TEAD1: variants seen among roughly 807,000 people sequenced by gnomAD.
The protein encoded by TEAD1 is TEA domain transcription factor 1, also known as transcriptional enhancer factor TEF-1.
In TEAD1, 9 loss-of-function variants were observed where a neutral mutation model predicts 54.9. The observed-to-expected ratio is 0.16, with a 90% CI of 0.10 to 0.29. TEAD1 has a LOEUF of 0.29. TEAD1 is among the 10% of genes least tolerant of loss of function. The probability of loss-of-function intolerance (pLI) is 1.00; values close to 1 mark genes in which losing one functional copy is unlikely to be tolerated. For missense variants in TEAD1, 387 were observed against 535.9 expected, an observed-to-expected ratio of 0.72 and a Z score of 2.74; for synonymous variants, 200 against 187.8, an observed-to-expected ratio of 1.07 and a Z score of -0.53.
intron 3 of TEAD1, among the ~76,000 whole-genome samples, chr11:12,859,164 T>C (rs994433287): frequency 9.2e-5 from 14 of 152,228 alleles, no homozygotes; most frequent in African/African-American, 3.1e-4. Flanking sequence ...GTATAGGCTG[T>C]GGTACACAGT....
intron 4 of TEAD1, among the ~76,000 whole-genome samples, 187 bp downstream of exon 4, chr11:12,862,501 A>G (rs1027648410): frequency 8.5e-5 from 13 of 152,106 alleles, no homozygotes; most frequent in African/African-American, 2.9e-4. Context: ...ACCCTTTATT[A>G]TGTGGTCTTA....
intron 3 of TEAD1, among the ~76,000 whole-genome samples, chr11:12,778,141 T>C (rs1280399239): frequency 6.6e-6 from 1 of 152,190 alleles, no homozygotes; most frequent in Non-Finnish European, 1.5e-5. Context: ...GAGGAAACCA[T>C]GGCCTAGAGA....
chr11:12,853,505 A>C (rs973180482), intron 3 of TEAD1, among the ~76,000 whole-genome samples: 1 of 152,248 alleles, frequency 6.6e-6, no homozygotes. Context: ...AGGCTAGTCA[A>C]ACTACTCATT....
Position 12,883,011 on chromosome 11 carries a change from T to G in TEAD1, c.585T>G (p.Pro195=). ...CGATTGCTCTTTCAGGGTTTGAGCC[T>G]GCATCGGCCCCAGCTCCCTCAGTCC... The change falls in exon 9 of 13, where the codon CCT becomes CCG. Residue 195 remains proline (P), a synonymous_variant. Transcript: ENST00000527636. The G allele has an allele frequency of 1.2e-6, 2 of 1,614,182 alleles. No homozygotes were observed. Among genetic ancestry groups the G allele is most frequent in the East Asian group, 2.2e-5 (1 of 44,880 alleles).
At chr11:12,871,809 G>A (rs957230683) in intron 5 of TEAD1, among the ~76,000 whole-genome samples, 16 of 152,064 alleles carry the variant, frequency 1.1e-4, no homozygotes, top group Non-Finnish European at 2.2e-4. Flanking sequence ...AGTCTTCGCC[G>A]TGCCCTCCGC....
intron 2 of TEAD1, among the ~76,000 whole-genome samples, chr11:12,707,470 C>T (rs937440510): frequency 1.3e-5 from 2 of 152,252 alleles, no homozygotes; most frequent in African/African-American, 4.8e-5. Context: ...ACCTCACTCT[C>T]AGGCCACCTT....
intron 2 of TEAD1, among the ~76,000 whole-genome samples, chr11:12,677,860 T>A (rs191946146): frequency 1.3e-5 from 2 of 152,020 alleles, no homozygotes; most frequent in Admixed American, 6.5e-5. Context: ...ATTTGTGGGA[T>A]TACTTTTCTC....
At chr11:12,831,012 C>A (rs1564955667) in intron 3 of TEAD1, among the ~76,000 whole-genome samples, 2 of 152,120 alleles carry the variant, frequency 1.3e-5, no homozygotes, top group Admixed American at 1.3e-4. Context: ...AGCCCATGAC[C>A]CTCCTTCTCT....
intron 9 of TEAD1, among the ~76,000 whole-genome samples, chr11:12,896,935 T>C (rs560399610): frequency 6.6e-6 from 1 of 152,188 alleles, no homozygotes; most frequent in African/African-American, 2.4e-5. Context: ...GCAGAGTGAG[T>C]ACCTTTTCCA....
intron 2 of TEAD1, among the ~76,000 whole-genome samples, chr11:12,682,035 A>G (rs1943233986): frequency 6.6e-6 from 1 of 152,162 alleles, no homozygotes; most frequent in Admixed American, 6.5e-5. Flanking sequence ...GCGTTGTGGT[A>G]GGTGCAGTGT....
intron 10 of TEAD1, among the ~76,000 whole-genome samples, chr11:12,915,227 C>G (rs1948689357): frequency 6.6e-6 from 1 of 152,142 alleles, no homozygotes; most frequent in South Asian, 2.1e-4. Context: ...GCAGGCTTTT[C>G]CCCAATAAAG....
chr11:12,868,947 C>T (rs1200195457), intron 5 of TEAD1, among the ~76,000 whole-genome samples: 1 of 152,148 alleles, frequency 6.6e-6, no homozygotes, highest in African/African-American at 2.4e-5. Flanking sequence ...ATGATTCATT[C>T]TGGGAGTGAG....
At chr11:12,876,355 G>A (rs1468776301) in intron 5 of TEAD1, among the ~76,000 whole-genome samples, 2 of 152,124 alleles carry the variant, frequency 1.3e-5, no homozygotes, top group Non-Finnish European at 2.9e-5. Flanking sequence ...AGCGGGATGT[G>A]GAGATGCAGG....
chr11:12,906,366 C>A (rs1049348330), intron 10 of TEAD1, among the ~76,000 whole-genome samples: 5 of 151,698 alleles, frequency 3.3e-5, no homozygotes, highest in African/African-American at 4.8e-5. Flanking sequence ...ACGGTGAAAC[C>A]CCATCCCTAC....
chr11:12,800,669 C>T (rs769070603), intron 3 of TEAD1, among the ~76,000 whole-genome samples: 9 of 151,990 alleles, frequency 5.9e-5, no homozygotes, highest in Non-Finnish European at 1.0e-4. Flanking sequence ...TGAATGGTGA[C>T]AAAAAAATGA....
intron 5 of TEAD1, 73 bp downstream of exon 5, chr11:12,864,973 A>G: frequency 3.3e-6 from 5 of 1,526,568 alleles, no homozygotes; most frequent in Non-Finnish European, 4.5e-6. Context: ...TGACTGGTGA[A>G]TGCCTGGTGC....
At chr11:12,854,758 ATTTTT>A (rs11364747) in intron 3 of TEAD1, among the ~76,000 whole-genome samples, 1 of 124,096 alleles carries the variant, frequency 8.1e-6, no homozygotes. Flanking sequence ...AGCCTGGCTG[ATTTTT>A]TTTTTTTTTT....
At position 12,795,441 on chromosome 11, in the gene TEAD1, T is replaced by C. The variant is rs185483264; in HGVS notation, c.202+31007T>C. On this transcript the variant is annotated intron_variant, in intron 3 of 12. Transcript: ENST00000527636. ...GGGCATGCAATTCAACCCATAACTC[T>C]CATGTTGCATACATGGGTGCAGGTT... Among the ~76,000 whole-genome samples the C allele has an allele frequency of 1.5e-4, 23 of 152,328 alleles. No homozygotes were observed. In the East Asian group the frequency reaches 2.1e-3, roughly 14 times the overall value.
At chr11:12,727,784 C>T (rs960279003) in intron 2 of TEAD1, among the ~76,000 whole-genome samples, 1 of 152,166 alleles carries the variant, frequency 6.6e-6, no homozygotes, top group Non-Finnish European at 1.5e-5. Context: ...ACTTGGCTTG[C>T]TCTACTCTAG....
Sources: allele counts gnomAD v4.1 joint callset (sites outside exome capture counted in the v4.1 genomes callset), GRCh38; gene constraint gnomAD v4.1.1; transcripts MANE v1.5; gene names NCBI Gene and HGNC (gene_info 2026-07-23, HGNC 2026-07-21).